Variants in ATF7IP2 observed in about 807,000 individuals in gnomAD.
The protein encoded by ATF7IP2 is activating transcription factor 7 interacting protein 2, also known as activating transcription factor 7-interacting protein 2.
In ATF7IP2, 42 loss-of-function variants were observed where a neutral mutation model predicts 64.2. That is an observed-to-expected ratio of 0.65 (90% confidence interval 0.51 to 0.85). The LOEUF is 0.85. ATF7IP2 is among the 40% of genes least tolerant of loss of function. The probability of loss-of-function intolerance (pLI) is 0.00; values close to 1 mark genes in which losing one functional copy is unlikely to be tolerated. For missense variants in ATF7IP2, 933 were observed against 784.2 expected, an observed-to-expected ratio of 1.19 and a Z score of -2.27; for synonymous variants, 308 against 272.8, an observed-to-expected ratio of 1.13 and a Z score of -1.27.
intron 9 of ATF7IP2, 84 bp from the exon 10 acceptor site, chr16:10,472,026 A>G: frequency 3.5e-6 from 2 of 575,274 alleles, no homozygotes; most frequent in East Asian, 3.0e-5. Flanking sequence ...ATGTTAAGTT[A>G]GAGGACTCCT....
At position 10,480,982 on chromosome 16, in the gene ATF7IP2, T is replaced by C; in HGVS notation, c.1635+18T>C. 1 of 1,534,988 alleles carries C rather than the reference T, an allele frequency of 6.5e-7. No individual in the cohort carries two copies. The highest frequency in any genetic ancestry group is 9.0e-7 in the Non-Finnish European group (1 of 1,109,000). ...CAGTCCAGGTACTGAATCAAAGTGC[T>C]CTGTAAGGGATATTTATTCCAAATT... is the stretch of plus-strand genomic sequence containing the variant. On this transcript the variant is annotated intron_variant, in intron 13 of 13. Transcript: ENST00000562102.
intron 7 of ATF7IP2, among the ~76,000 whole-genome samples, chr16:10,439,326 T>G (rs1461889761): frequency 6.6e-6 from 1 of 151,380 alleles, no homozygotes; most frequent in Non-Finnish European, 1.5e-5. Flanking sequence ...GCCTCAGGGT[T>G]CACACCATTC....
chr16:10,465,487 C>G (rs1288043424), intron 9 of ATF7IP2, among the ~76,000 whole-genome samples: 1 of 151,814 alleles, frequency 6.6e-6, no homozygotes, highest in Non-Finnish European at 1.5e-5. Flanking sequence ...TGACTCACGC[C>G]TGTAATCCCA....
At chr16:10,471,276 C>G (rs1472670478) in intron 9 of ATF7IP2, among the ~76,000 whole-genome samples, 1 of 152,086 alleles carries the variant, frequency 6.6e-6, no homozygotes, top group Non-Finnish European at 1.5e-5. Flanking sequence ...ACCTGTAATC[C>G]CAGCACTTTG....
intron 3 of ATF7IP2, among the ~76,000 whole-genome samples, chr16:10,424,796 T>A (rs1263624152): frequency 6.6e-6 from 1 of 152,150 alleles, no homozygotes. Flanking sequence ...AGGCACTACA[T>A]CAGTTGAAAC....
chr16:10,405,160 C>A (rs1053568225), intron 1 of ATF7IP2, among the ~76,000 whole-genome samples: 1 of 151,146 alleles, frequency 6.6e-6, no homozygotes, highest in Non-Finnish European at 1.5e-5. Flanking sequence ...GTCAGGAGTT[C>A]AAGACCAGCC....
Position 10,423,079 on chromosome 16 carries a change from C to T in ATF7IP2, c.-160+3456C>T, listed in dbSNP as rs147464312. ...CTAACATGGTGGAACTTCGTCTCTA[C>T]TAAAAATACAAAAAATTAGCCAGGC... On this transcript the variant is annotated intron_variant, in intron 3 of 13. Coordinates refer to ENST00000562102, the MANE Select transcript of ATF7IP2 (RefSeq NM_001393719.1). Among the ~76,000 whole-genome samples the T allele has an allele frequency of 3.1e-3, 473 of 152,280 alleles. 5 individuals carry two copies. Among genetic ancestry groups the T allele is most frequent in the Non-Finnish European group, 5.6e-3 (378 of 68,026 alleles).
intron 8 of ATF7IP2, chr16:10,445,656 C>T (rs8050795): frequency 0.08 from 12,104 of 152,216 alleles, 994 homozygotes; most frequent in African/African-American, 0.2. Flanking sequence ...AGGCATGTGC[C>T]GCCATGACTG....
At chr16:10,413,250 CA>C (rs901204122) in intron 1 of ATF7IP2, among the ~76,000 whole-genome samples, 29 of 151,978 alleles carry the variant, frequency 1.9e-4, no homozygotes, top group African/African-American at 7.0e-4. Flanking sequence ...GGGAGGGACC[CA>C]GGGGGAGGTA....
intron 1 of ATF7IP2, among the ~76,000 whole-genome samples, chr16:10,412,435 A>T (rs908435880): frequency 1.6e-4 from 24 of 152,192 alleles, no homozygotes; most frequent in Non-Finnish European, 7.3e-5. Context: ...TTGTTGACCC[A>T]GTGATCATTC....
At chr16:10,451,214 G>A (rs930222394) in intron 8 of ATF7IP2, among the ~76,000 whole-genome samples, 1 of 152,176 alleles carries the variant, frequency 6.6e-6, no homozygotes, top group Non-Finnish European at 1.5e-5. Context: ...CCCTTTGTGG[G>A]TAACCTTACC....
chr16:10,442,002 A>C (rs910429575), intron 8 of ATF7IP2, among the ~76,000 whole-genome samples: 3 of 152,232 alleles, frequency 2.0e-5, no homozygotes, highest in African/African-American at 7.2e-5. Flanking sequence ...TTTTATTCCT[A>C]ATGCTGTTCC....
rs2049884372 is a variant in ATF7IP2, at chr16:10,473,520, A to G, written c.1468A>G (p.Asn490Asp). 1.9e-6 allele frequency: 3 copies of G among 1,570,702 alleles called. No homozygotes were observed. In the East Asian group the frequency reaches 6.8e-5, roughly 36 times the overall value. The change falls in exon 11 of 14, where the codon AAT becomes GAT. Residue 490 changes from asparagine (N) to aspartate (D), a missense_variant. By Grantham distance (23) the Asn-to-Asp change is conservative. Transcript: ENST00000562102. ...ATCAGGAAATTCTAGCAATTCTCCC[A>G]ATGCTGAAGTTATGGTGAGTAATAA... ...ITSGNSSNSP[N>D]AEVMAVQKKL...
chr16:10,473,823 T>C, intron 11 of ATF7IP2, 100 bp from the exon 12 acceptor site: 1 of 786,320 alleles, frequency 1.3e-6, no homozygotes, highest in Non-Finnish European at 2.0e-6. Flanking sequence ...CGAATGGTGA[T>C]TTAAAATTAC....
intron 8 of ATF7IP2, among the ~76,000 whole-genome samples, chr16:10,453,188 T>C (rs1212062540): frequency 7.9e-5 from 12 of 152,170 alleles, no homozygotes; most frequent in Admixed American, 7.9e-4. Context: ...CCACCCAGCT[T>C]TGTGCTTGAA....
Position 10,481,919 on chromosome 16 carries a change from A to G in ATF7IP2, c.1719A>G (p.Thr573=), listed in dbSNP as rs200248862. Residue 573 remains threonine (T), a synonymous_variant, in exon 14 of 14, where the codon ACA becomes ACG. Transcript: ENST00000562102. ...LPELVDKTRD[T]LPPQKPELKV... ...AATTAGTAGACAAAACCCGAGACAC[A>G]CTTCCTCCCCAGAAGCCTGAGCTCA... 2.0e-5 allele frequency: 32 copies of G among 1,613,884 alleles called. 1 individual carries two copies. In the Middle Eastern group the frequency reaches 2.0e-3, roughly 99 times the overall value.
rs537841453 is a variant in ATF7IP2 at position 10,455,595 on chromosome 16, T to C, written c.1195-1777T>C. On this transcript the variant is annotated intron_variant, in intron 8 of 13. Transcript: ENST00000562102. The stretch of plus-strand genomic sequence containing the variant: ...ATACCTAAAAATGTGAAAGTGGCTT[T>C]TGAGTAGGGTAATGCATAGAGACTA... Among the ~76,000 whole-genome samples the C allele has an allele frequency of 2.6e-5, 4 of 152,328 alleles. No homozygotes were observed. The South Asian group carries it at 8.3e-4, about 32-fold the overall frequency.
At chr16:10,451,772 C>T (rs1359788124) in intron 8 of ATF7IP2, among the ~76,000 whole-genome samples, 1 of 151,906 alleles carries the variant, frequency 6.6e-6, no homozygotes. Flanking sequence ...GAAGATGCTC[C>T]TTTAGGCTGG....
At chr16:10,479,127 T>G (rs1463715730) in intron 12 of ATF7IP2, among the ~76,000 whole-genome samples, 1 of 150,566 alleles carries the variant, frequency 6.6e-6, no homozygotes, top group Non-Finnish European at 1.5e-5. Flanking sequence ...GAAATACCAT[T>G]TGACCCAGCC....
Sources: gnomAD v4.1 joint callset for allele counts (sites outside exome capture counted in the v4.1 genomes callset) on GRCh38, gnomAD v4.1.1 for gene constraint, MANE v1.5 for transcripts, NCBI Gene and HGNC (gene_info 2026-07-23, HGNC 2026-07-21) for gene names.